PRKAR1B: variants seen among roughly 807,000 people sequenced by gnomAD.
PRKAR1B encodes the protein cAMP-dependent protein kinase type I-beta regulatory subunit.
A neutral mutation model predicts 46.5 loss-of-function variants in PRKAR1B; 22 were observed. The ratio of observed to expected loss-of-function variants is 0.47; its 90% CI spans 0.34 to 0.68. The LOEUF (loss-of-function observed/expected upper bound fraction) is 0.68, where lower values mean the gene tolerates loss of function less well. PRKAR1B is among the 30% of genes least tolerant of loss of function. The pLI is 0.01. For synonymous variants in PRKAR1B, 259 were observed against 217.7 expected (o/e 1.19, Z -1.67); for missense variants, 445 against 535.6 (o/e 0.83, Z 1.67).
intron 4 of PRKAR1B, among the ~76,000 whole-genome samples, chr7:651,507 CCT>C (rs764404428): frequency 1.5e-4 from 23 of 151,942 alleles, no homozygotes; most frequent in South Asian, 1.2e-3. Flanking sequence ...TGGGAAACCC[CCT>C]GTCAGAAGAC....
At chr7:572,310 G>A (rs1779566521) in intron 9 of PRKAR1B, among the ~76,000 whole-genome samples, 1 of 152,216 alleles carries the variant, frequency 6.6e-6, no homozygotes, top group Non-Finnish European at 1.5e-5. Flanking sequence ...GTGGGGATCG[G>A]GTGTCTGAGG....
intron 9 of PRKAR1B, among the ~76,000 whole-genome samples, chr7:562,820 C>A (rs898847970): frequency 6.6e-6 from 1 of 152,182 alleles, no homozygotes; most frequent in African/African-American, 2.4e-5. Context: ...AACCATGACT[C>A]CCTCCACCAT....
chr7:603,533 G>C (rs1349006653), intron 6 of PRKAR1B, among the ~76,000 whole-genome samples: 2 of 151,664 alleles, frequency 1.3e-5, no homozygotes, highest in Non-Finnish European at 2.9e-5. Flanking sequence ...CAAGTGCCAG[G>C]CATAAAGCAG....
At chr7:673,446 G>A (rs1181438053) in intron 4 of PRKAR1B, among the ~76,000 whole-genome samples, 5 of 151,894 alleles carry the variant, frequency 3.3e-5, no homozygotes, top group Non-Finnish European at 7.4e-5. Flanking sequence ...TCAGGAGATC[G>A]AGACCATCCT....
intron 4 of PRKAR1B, among the ~76,000 whole-genome samples, chr7:676,810 C>T (rs1418866596): frequency 1.3e-5 from 2 of 152,016 alleles, no homozygotes; most frequent in Admixed American, 1.3e-4. Flanking sequence ...AGGAGAGCAA[C>T]GGGGGCTGCC....
intron 6 of PRKAR1B, 95 bp from the exon 7 acceptor site, chr7:596,399 G>A (rs1218903104): frequency 6.9e-7 from 1 of 1,449,078 alleles, no homozygotes; most frequent in East Asian, 2.3e-5. Flanking sequence ...CTCTCCAGAA[G>A]AGGGTCCCCG....
intron 4 of PRKAR1B, among the ~76,000 whole-genome samples, chr7:626,307 C>T (rs1387059392): frequency 6.6e-6 from 1 of 152,124 alleles, no homozygotes; most frequent in East Asian, 1.9e-4. Context: ...ACCTGGGCAA[C>T]ATAGCAATAC....
upstream of PRKAR1B, chr7:727,561 C>G: frequency 3.7e-6 from 1 of 268,496 alleles, no homozygotes; most frequent in Non-Finnish European, 6.9e-6. Flanking sequence ...CGCCCTTCAG[C>G]TGCTCCCTTG....
chr7:681,390 T>C (rs1307302394), intron 2 of PRKAR1B, among the ~76,000 whole-genome samples: 1 of 151,182 alleles, frequency 6.6e-6, no homozygotes, highest in Non-Finnish European at 1.5e-5. Context: ...TAAGAACCTG[T>C]CAACATTTCT....
intron 2 of PRKAR1B, among the ~76,000 whole-genome samples, chr7:681,763 C>A (rs773387537): frequency 3.9e-5 from 6 of 152,210 alleles, no homozygotes; most frequent in South Asian, 2.1e-4. Context: ...GACCACTGTC[C>A]CCAGCTCTTC....
At chr7:638,407 G>A (rs1238165813) in intron 4 of PRKAR1B, among the ~76,000 whole-genome samples, 4 of 152,150 alleles carry the variant, frequency 2.6e-5, no homozygotes, top group East Asian at 1.9e-4. Context: ...ATCGTCCCCC[G>A]GGGGCCTCGG....
At chr7:726,794 T>A in intron 1 of PRKAR1B, 1 of 1,290,106 alleles carries the variant, frequency 7.8e-7, no homozygotes, top group Non-Finnish European at 9.8e-7. Context: ...GCTGAGGCGG[T>A]GGAGCTGAGC....
intron 4 of PRKAR1B, among the ~76,000 whole-genome samples, chr7:669,584 T>G (rs138254387): frequency 3.0e-4 from 45 of 151,868 alleles, no homozygotes; most frequent in African/African-American, 9.2e-4. Flanking sequence ...GCCAACATGC[T>G]GAAACCCCAT....
intron 9 of PRKAR1B, among the ~76,000 whole-genome samples, chr7:566,221 T>C (rs954471358): frequency 9.9e-5 from 15 of 151,896 alleles, no homozygotes; most frequent in Non-Finnish European, 1.9e-4. Flanking sequence ...ACCATGACCA[T>C]CATGGTCATC....
intron 6 of PRKAR1B, among the ~76,000 whole-genome samples, chr7:600,018 T>TGGGACA (rs1232953953): frequency 1.3e-5 from 2 of 151,322 alleles, no homozygotes; most frequent in East Asian, 3.9e-4. Context: ...AAGTCAATGG[T>TGGGACA]GGGACAGGGG....
intron 4 of PRKAR1B, among the ~76,000 whole-genome samples, chr7:640,655 C>G (rs1474348177): frequency 1.3e-5 from 2 of 151,852 alleles, no homozygotes; most frequent in African/African-American, 4.8e-5. Context: ...CCCAGCTACT[C>G]GAGAGGCTGA....
At chr7:721,816 T>C (rs183511829) in intron 1 of PRKAR1B, among the ~76,000 whole-genome samples, 1 of 152,358 alleles carries the variant, frequency 6.6e-6, no homozygotes, top group Admixed American at 6.5e-5. Context: ...AGTCAACAGC[T>C]CTTTCCCCTT....
chr7:636,593 T>C (rs1160239078), intron 4 of PRKAR1B, among the ~76,000 whole-genome samples: 1 of 152,206 alleles, frequency 6.6e-6, no homozygotes, highest in Non-Finnish European at 1.5e-5. Flanking sequence ...TGACAGCCAA[T>C]GCTCTGCCTC....
chr7:706,964 G>A (rs893430990), intron 2 of PRKAR1B, among the ~76,000 whole-genome samples: 1 of 152,222 alleles, frequency 6.6e-6, no homozygotes, highest in Non-Finnish European at 1.5e-5. Flanking sequence ...CTGGCCTCGA[G>A]GGGGTGGCCC....
Sources: gnomAD v4.1 joint callset for allele counts (sites outside exome capture counted in the v4.1 genomes callset) on GRCh38, gnomAD v4.1.1 for gene constraint, MANE v1.5 for transcripts, NCBI Gene and HGNC (gene_info 2026-07-23, HGNC 2026-07-21) for gene names.